The following RGS3 variants were observed in gnomAD, a reference collection of about 807,000 sequenced individuals.
The protein encoded by RGS3 is regulator of G protein signaling 3, also known as regulator of G-protein signalling 3.
In RGS3, 80 loss-of-function variants were observed where a neutral mutation model predicts 132.6. The ratio of observed to expected loss-of-function variants is 0.60; its 90% CI spans 0.50 to 0.73. RGS3 has a LOEUF of 0.73. Ranked by LOEUF, RGS3 falls within the 30% of genes least tolerant of loss-of-function variation. RGS3 has a pLI of 0.00. For missense variants in RGS3, 1,382 were observed against 1,530.8 expected, an observed-to-expected ratio of 0.90 and a Z score of 1.62; for synonymous variants, 598 against 620.6, an observed-to-expected ratio of 0.96 and a Z score of 0.54.
intron 4 of RGS3, chr9:113,482,814 G>A (rs1830206753): frequency 2.6e-6 from 2 of 776,440 alleles, no homozygotes; most frequent in Non-Finnish European, 3.9e-6. Flanking sequence ...ATGCATTGGT[G>A]AGGGTGCTGC....
chr9:113,467,206 A>G (rs899468335), intron 3 of RGS3, among the ~76,000 whole-genome samples: 5 of 152,168 alleles, frequency 3.3e-5, no homozygotes, highest in African/African-American at 4.8e-5. Flanking sequence ...TGTGTGGACA[A>G]ATGTTTTCAT....
rs1426114805 is a variant in RGS3 at position 113,553,459 on chromosome 9, A to AAAAAAAAAAT, written c.2037+16542_2037+16543insAAAAAAAATA. ...CTCTGTTTAAAAAAAAAAAAAAAAA[A>AAAAAAAAAAT]ATATATATATATATATATATATATA... is the stretch of plus-strand genomic sequence containing the variant. On this transcript the variant is annotated intron_variant, in intron 19 of 24. Transcript: ENST00000350696. Among the ~76,000 whole-genome samples the AAAAAAAAAAT allele has an allele frequency of 6.8e-3, 396 of 58,642 alleles. 12 individuals carry two copies. Among genetic ancestry groups the AAAAAAAAAAT allele is most frequent in the Non-Finnish European group, 9.0e-3 (296 of 33,028 alleles). The allele number at this position is 58,642 out of a possible 152,430, so 38.5% of individuals were successfully genotyped here. A position where few individuals can be genotyped will look rare whatever the true frequency, so the allele number is the denominator to read the frequency against.
Position 113,506,503 on chromosome 9 carries a change from G to T in RGS3, c.1085+10G>T, listed in dbSNP as rs767317398. 6.4e-7 allele frequency: 1 copy of T among 1,565,468 alleles called. No homozygotes were observed. The highest frequency in any genetic ancestry group is 8.7e-7 in the Non-Finnish European group (1 of 1,151,606). On this transcript the variant is annotated intron_variant, in intron 12 of 24. Transcript: ENST00000350696. The surrounding 1 kb of genome is among the most constrained non-coding windows in gnomAD (Gnocchi z 4.7). The stretch of plus-strand genomic sequence containing the variant: ...TGGCCCACGAGATCCGGTGACAGGG[G>T]ACAGCGGGTGGCCTGGGGCCTCAGG...
intron 3 of RGS3, among the ~76,000 whole-genome samples, chr9:113,468,752 G>T (rs7042609): frequency 0.014 from 2,065 of 152,284 alleles, 42 homozygotes; most frequent in African/African-American, 0.047. Flanking sequence ...TATGGTGAGT[G>T]GTCAGGAGAG....
chr9:113,497,901 GA>G, intron 9 of RGS3, 123 bp from the exon 8 acceptor site: 3 of 877,140 alleles, frequency 3.4e-6, no homozygotes, highest in Non-Finnish European at 5.5e-6. Flanking sequence ...CCCACATCCT[GA>G]GGCCAGGAGT....
At chr9:113,530,310 G>A (rs539322233) in intron 18 of RGS3, among the ~76,000 whole-genome samples, 14 of 152,366 alleles carry the variant, frequency 9.2e-5, no homozygotes, top group Admixed American at 5.2e-4. Context: ...TAGCTTTAGC[G>A]GAGGGCAGAG....
intron 3 of RGS3, among the ~76,000 whole-genome samples, chr9:113,476,101 T>C (rs1443950427): frequency 6.6e-6 from 1 of 152,116 alleles, no homozygotes; most frequent in Non-Finnish European, 1.5e-5. Flanking sequence ...TATGCTCAGC[T>C]AACCTCTTGG....
At chr9:113,541,204 C>A in intron 19 of RGS3, 1 of 1,079,252 alleles carries the variant, frequency 9.3e-7, no homozygotes, top group Non-Finnish European at 1.3e-6. Context: ...CTAGAGACAG[C>A]CCTGGAGATG....
chr9:113,455,198 G>A (rs1299438835), intron 1 of RGS3, among the ~76,000 whole-genome samples: 2 of 152,184 alleles, frequency 1.3e-5, no homozygotes, highest in African/African-American at 4.8e-5. Flanking sequence ...GTTGCCTGAT[G>A]TACAATATCT....
chr9:113,594,542 C>A lies in RGS3; in HGVS notation c.3182+11C>A. ...GATGAAGTCATTCAAGTAGGTCCTC[C>A]CTGGCACCCTGGGACCCTTTGGGGA... is the stretch of plus-strand genomic sequence containing the variant. On this transcript the variant is annotated intron_variant, in intron 22 of 24. Transcript: ENST00000350696. 1 of 1,608,280 alleles carries A rather than the reference C, an allele frequency of 6.2e-7. No homozygotes were observed. The highest frequency in any genetic ancestry group is 2.2e-5 in the East Asian group (1 of 44,850).
intron 19 of RGS3, among the ~76,000 whole-genome samples, chr9:113,561,373 T>C (rs559336267): frequency 6.6e-6 from 1 of 151,554 alleles, no homozygotes; most frequent in Non-Finnish European, 1.5e-5. Context: ...CCTTTCCTTT[T>C]CTTTTCTTTC....
intron 3 of RGS3, among the ~76,000 whole-genome samples, chr9:113,476,899 T>C (rs748033017): frequency 1.4e-4 from 22 of 152,342 alleles, no homozygotes; most frequent in Admixed American, 2.6e-4. Context: ...GGCTTTCGGA[T>C]CCAAGCATGT....
intron 3 of RGS3, among the ~76,000 whole-genome samples, chr9:113,468,007 T>C: frequency 6.6e-6 from 1 of 152,246 alleles, no homozygotes; most frequent in South Asian, 2.1e-4. Flanking sequence ...ATTATAGGCA[T>C]GAACCACTGT....
chr9:113,526,086 G>T (rs1160315027), intron 17 of RGS3, among the ~76,000 whole-genome samples: 4 of 152,190 alleles, frequency 2.6e-5, no homozygotes, highest in Non-Finnish European at 4.4e-5. Flanking sequence ...TCTGCTGCCC[G>T]CTAGCTTTGC....
intron 19 of RGS3, among the ~76,000 whole-genome samples, chr9:113,547,432 T>C (rs926360216): frequency 1.3e-5 from 2 of 152,170 alleles, no homozygotes; most frequent in East Asian, 3.8e-4. Flanking sequence ...CCTCCCCCAT[T>C]GGAGGCCAGC....
chr9:113,482,586 T>C (rs1046558120), intron 4 of RGS3, among the ~76,000 whole-genome samples: 3 of 152,194 alleles, frequency 2.0e-5, no homozygotes, highest in Non-Finnish European at 2.9e-5. Context: ...CCTTCATTCC[T>C]AGAAGGCAGT....
At chr9:113,522,699 A>T (rs989763617) in intron 16 of RGS3, 18 of 535,704 alleles carry the variant, frequency 3.4e-5, no homozygotes, top group Non-Finnish European at 5.7e-5. Context: ...CTTTTTTCCT[A>T]CTTTGAGGAG....
chr9:113,553,121 A>G (rs985949210), intron 19 of RGS3, among the ~76,000 whole-genome samples: 5 of 152,016 alleles, frequency 3.3e-5, no homozygotes, highest in Non-Finnish European at 7.4e-5. Flanking sequence ...ATAATATCAT[A>G]TTATACATAC....
rs561223833 is a variant in RGS3 at position 113,564,163 on chromosome 9, A to T, written c.2038-19287A>T. Among the ~76,000 whole-genome samples the T allele has an allele frequency of 7.9e-5, 12 of 152,338 alleles. No individual in the cohort carries two copies. The South Asian group carries it at 2.5e-3, about 32-fold the overall frequency. On this transcript the variant is annotated intron_variant, in intron 19 of 24. Transcript: ENST00000350696. ...GCAGTTGTCTGGCTGTATGGTGGTT[A>T]AGAGCGGGCATGGTGAGTAGGAGCA...
Sources: gnomAD v4.1 joint callset for allele counts (sites outside exome capture counted in the v4.1 genomes callset) on GRCh38, gnomAD v4.1.1 for gene constraint, Gnocchi (gnomAD v3.1) non-coding constraint, MANE v1.5 for transcripts, NCBI Gene and HGNC (gene_info 2026-07-23, HGNC 2026-07-21) for gene names.